Variants in GPM6A observed in about 807,000 individuals in gnomAD.
GPM6A encodes neuronal membrane glycoprotein M6-a.
In GPM6A, 7 loss-of-function variants were observed where a neutral mutation model predicts 32.1. The observed-to-expected ratio is 0.22, with a 90% CI of 0.12 to 0.41. GPM6A has a LOEUF of 0.41. GPM6A is among the 10% of genes least tolerant of loss of function. The pLI is 1.00. For synonymous variants in GPM6A, 130 were observed against 123.4 expected, an observed-to-expected ratio of 1.05 and a Z score of -0.35; for missense variants, 235 against 347.2, an observed-to-expected ratio of 0.68 and a Z score of 2.57.
chr4:175,962,543 T>C (rs1030538621), intron 1 of GPM6A: 5 of 464,584 alleles, frequency 1.1e-5, no homozygotes, highest in African/African-American at 1.0e-4. Flanking sequence ...GACATCCCTG[T>C]ACTCTCTGCT....
At chr4:175,778,533 G>A (rs1733483787) in intron 1 of GPM6A, among the ~76,000 whole-genome samples, 2 of 150,628 alleles carry the variant, frequency 1.3e-5, no homozygotes, top group African/African-American at 4.9e-5. Flanking sequence ...GCTGAGGCAG[G>A]AGAATCGCTT....
chr4:175,726,781 T>C (rs879421058), intron 1 of GPM6A, among the ~76,000 whole-genome samples: 1 of 152,110 alleles, frequency 6.6e-6, no homozygotes, highest in Non-Finnish European at 1.5e-5. Flanking sequence ...GGATCACTAG[T>C]GGTCAGGAGT....
intron 1 of GPM6A, chr4:175,787,475 G>T: frequency 6.7e-7 from 1 of 1,489,642 alleles, no homozygotes; most frequent in Non-Finnish European, 8.9e-7. Context: ...TTTCTAAATT[G>T]TTTTTTTAAG....
intron 1 of GPM6A, among the ~76,000 whole-genome samples, chr4:175,834,162 A>T (rs1234682760): frequency 6.6e-6 from 1 of 152,014 alleles, no homozygotes; most frequent in Non-Finnish European, 1.5e-5. Flanking sequence ...TTTATTTGCC[A>T]GGCCTTTAAT....
At chr4:175,769,543 A>T (rs1039701128) in intron 1 of GPM6A, among the ~76,000 whole-genome samples, 1 of 144,282 alleles carries the variant, frequency 6.9e-6, no homozygotes, top group Non-Finnish European at 1.6e-5. Flanking sequence ...TATGTGCTCC[A>T]TGGTCACTGA....
chr4:175,908,017 A>T (rs1560988767), intron 1 of GPM6A, among the ~76,000 whole-genome samples: 1 of 152,172 alleles, frequency 6.6e-6, no homozygotes, highest in African/African-American at 2.4e-5. Context: ...GTTAACAGGA[A>T]GCAGGGAATA....
chr4:175,962,289 C>A (rs1740192192), intron 1 of GPM6A: 2 of 1,293,918 alleles, frequency 1.5e-6, no homozygotes, highest in Admixed American at 1.7e-5. Flanking sequence ...ACCACAGACA[C>A]CAGAAGTAAA....
At chr4:175,805,571 A>C (rs2111315787) in intron 1 of GPM6A, among the ~76,000 whole-genome samples, 1 of 152,328 alleles carries the variant, frequency 6.6e-6, no homozygotes, top group African/African-American at 2.4e-5. Flanking sequence ...AGGTAAGTAA[A>C]GTAAAACTCA....
chr4:175,871,560 A>G (rs970100979), intron 1 of GPM6A, among the ~76,000 whole-genome samples: 2 of 152,126 alleles, frequency 1.3e-5, no homozygotes, highest in African/African-American at 4.8e-5. Context: ...CCTTCCCTTT[A>G]ACCCTGGTCA....
intron 1 of GPM6A, 117 bp from the exon 2 acceptor site, chr4:175,701,884 A>G (rs1430128907): frequency 3.0e-6 from 2 of 659,166 alleles, no homozygotes; most frequent in Non-Finnish European, 5.2e-6. Flanking sequence ...GGTCAACCAT[A>G]CAAATGAAGT....
chr4:175,784,390 T>C (rs1196308011), intron 1 of GPM6A, among the ~76,000 whole-genome samples: 2 of 152,074 alleles, frequency 1.3e-5, no homozygotes, highest in Non-Finnish European at 2.9e-5. Context: ...AGCAGATAAT[T>C]AGTAGGTAAC....
intron 1 of GPM6A, among the ~76,000 whole-genome samples, chr4:175,982,530 G>A (rs1357787983): frequency 6.6e-6 from 1 of 152,048 alleles, no homozygotes; most frequent in Non-Finnish European, 1.5e-5. Context: ...AATACTCTAT[G>A]TATCTTTGTC....
chr4:175,870,360 A>G (rs1736868926), intron 1 of GPM6A, among the ~76,000 whole-genome samples: 1 of 152,158 alleles, frequency 6.6e-6, no homozygotes, highest in East Asian at 1.9e-4. Flanking sequence ...AAGCCCTTTA[A>G]TTCAGCATCT....
At chr4:175,769,455 T>C (rs1579480037) in intron 1 of GPM6A, among the ~76,000 whole-genome samples, 1 of 144,512 alleles carries the variant, frequency 6.9e-6, no homozygotes, top group Non-Finnish European at 1.5e-5. Context: ...GATTAGCAAA[T>C]ACTTTGTGCA....
chr4:175,741,632 A>T (rs1731891728), intron 1 of GPM6A, among the ~76,000 whole-genome samples: 1 of 152,120 alleles, frequency 6.6e-6, no homozygotes, highest in Admixed American at 6.5e-5. Context: ...ATTTCTATCA[A>T]CAAACATCAC....
chr4:175,699,250 T>C (rs1313313670), intron 2 of GPM6A, among the ~76,000 whole-genome samples: 1 of 152,152 alleles, frequency 6.6e-6, no homozygotes, highest in African/African-American at 2.4e-5. Flanking sequence ...CCTGCAATAA[T>C]CTAGAGCATT....
chr4:175,691,307 A>C lies in GPM6A; in HGVS notation c.230+10268T>G, dbSNP rs374843132. On this transcript the variant is annotated intron_variant, in intron 2 of 6. Coordinates refer to ENST00000393658, the MANE Select transcript of GPM6A (RefSeq NM_201591.3). Reference sequence around the variant, plus strand: ...TTTGCCTTCCAAAACAATCATCCATATTATCCTACTTCTTAAGGGATTAAT... The same window carrying C: ...TTTGCCTTCCAAAACAATCATCCATCTTATCCTACTTCTTAAGGGATTAAT... Among the ~76,000 whole-genome samples the C allele has an allele frequency of 2.7e-3, 410 of 152,308 alleles. 5 individuals are homozygous for C. The highest frequency in any genetic ancestry group is 9.5e-3 in the African/African-American group (395 of 41,586).
chr4:175,676,958 G>A (rs1387090587), intron 2 of GPM6A, among the ~76,000 whole-genome samples: 1 of 151,870 alleles, frequency 6.6e-6, no homozygotes, highest in Admixed American at 6.6e-5. Flanking sequence ...AATTAAAACT[G>A]GTCACATATA....
At chr4:176,002,162 G>A in intron 1 of GPM6A, 1 of 904,704 alleles carries the variant, frequency 1.1e-6, no homozygotes, top group Admixed American at 2.0e-5. Flanking sequence ...GAGACAAGAG[G>A]GCGGGGGGCG....
Sources: gnomAD v4.1 joint callset for allele counts (sites outside exome capture counted in the v4.1 genomes callset) on GRCh38, gnomAD v4.1.1 for gene constraint, MANE v1.5 for transcripts, NCBI Gene and HGNC (gene_info 2026-07-23, HGNC 2026-07-21) for gene names.